DENND5A: variants seen among roughly 807,000 people sequenced by gnomAD.
DENND5A encodes DENN domain containing 5A, also known as DENN domain-containing protein 5A.
Under a neutral mutation model 140.3 loss-of-function variants are expected in DENND5A, and 64 were observed. The ratio of observed to expected loss-of-function variants is 0.46; its 90% CI spans 0.37 to 0.56. The LOEUF (loss-of-function observed/expected upper bound fraction) is 0.56. DENND5A is among the 20% of genes least tolerant of loss of function. The pLI, the probability that DENND5A is intolerant of heterozygous loss-of-function variation, is 0.00. For synonymous variants in DENND5A, 605 were observed against 607.7 expected (o/e 1.00, Z 0.07); for missense variants, 1,292 against 1,593.8 (o/e 0.81, Z 3.22).
At chr11:9,201,976 A>G (rs1255929039) in intron 4 of DENND5A, among the ~76,000 whole-genome samples, 1 of 152,186 alleles carries the variant, frequency 6.6e-6, no homozygotes, top group Non-Finnish European at 1.5e-5. Context: ...CAAAAATGAG[A>G]CAAAATGACA....
intron 2 of DENND5A, 62 bp from the exon 3 acceptor site, chr11:9,206,844 A>C: frequency 1.6e-6 from 2 of 1,239,786 alleles, no homozygotes; most frequent in Admixed American, 3.4e-5. Flanking sequence ...CAGGGTTATA[A>C]ATGTCTGAGC....
At chr11:9,227,399 A>C (rs1373268098) in intron 1 of DENND5A, among the ~76,000 whole-genome samples, 1 of 152,044 alleles carries the variant, frequency 6.6e-6, no homozygotes, top group Non-Finnish European at 1.5e-5. Flanking sequence ...GAAACATACA[A>C]ATTTATAATT....
chr11:9,169,281 T>C (rs777601261), intron 10 of DENND5A, among the ~76,000 whole-genome samples: 2 of 151,994 alleles, frequency 1.3e-5, no homozygotes, highest in Admixed American at 6.6e-5. Context: ...ACCCCGTCTC[T>C]ACTAAAAATA....
chr11:9,249,579 G>A (rs796999525), intron 1 of DENND5A, among the ~76,000 whole-genome samples: 72 of 151,666 alleles, frequency 4.7e-4, no homozygotes, highest in Admixed American at 1.2e-3. Flanking sequence ...ACAGAGTTTC[G>A]CTCTTGTTGC....
intron 1 of DENND5A, among the ~76,000 whole-genome samples, chr11:9,229,098 C>G (rs957384418): frequency 1.3e-5 from 2 of 152,046 alleles, no homozygotes. Context: ...GGAGTGTGCA[C>G]TAAGCCTAGG....
At chr11:9,158,381 CA>C (rs112287336) in intron 12 of DENND5A, among the ~76,000 whole-genome samples, 112 of 139,442 alleles carry the variant, frequency 8.0e-4, no homozygotes, top group Admixed American at 6.5e-4. Flanking sequence ...CTCATCTCTA[CA>C]AAAAAAAAAA....
chr11:9,150,056 TCTA>T (rs1301166812), intron 15 of DENND5A, 22 bp downstream of exon 15: 4 of 1,598,144 alleles, frequency 2.5e-6, no homozygotes, highest in Non-Finnish European at 3.4e-6. Context: ...GGAGCCTGCT[TCTA>T]CTCCTGGCGG....
chr11:9,166,240 G>C (rs558561801), intron 10 of DENND5A, among the ~76,000 whole-genome samples: 1 of 151,644 alleles, frequency 6.6e-6, no homozygotes. Context: ...CACCACGCCC[G>C]GCTAATTTTT....
chr11:9,162,830 G>C (rs1848033978), intron 11 of DENND5A, among the ~76,000 whole-genome samples: 1 of 151,278 alleles, frequency 6.6e-6, no homozygotes, highest in African/African-American at 2.4e-5. Flanking sequence ...CCCCGCAGTA[G>C]CTGGGACTAT....
chr11:9,183,029 C>A (rs1488358886), intron 5 of DENND5A, among the ~76,000 whole-genome samples: 1 of 152,070 alleles, frequency 6.6e-6, no homozygotes, highest in Non-Finnish European at 1.5e-5. Context: ...TATACCATAC[C>A]CTGTAAATAT....
At chr11:9,259,686 G>C (rs1329698533) in intron 1 of DENND5A, among the ~76,000 whole-genome samples, 1 of 152,110 alleles carries the variant, frequency 6.6e-6, no homozygotes, top group Admixed American at 6.6e-5. Context: ...TGGAATTACA[G>C]ATGTGAGCCA....
At chr11:9,224,179 C>CAAGACTCCATCTCAAA in intron 1 of DENND5A, among the ~76,000 whole-genome samples, 1 of 152,134 alleles carries the variant, frequency 6.6e-6, no homozygotes, top group Non-Finnish European at 1.5e-5. Context: ...GGCGACAGAG[C>CAAGACTCCATCTCAAA]AAGACTCCAT....
At chr11:9,188,714 T>C (rs1371563044) in intron 5 of DENND5A, among the ~76,000 whole-genome samples, 1 of 152,158 alleles carries the variant, frequency 6.6e-6, no homozygotes, top group Admixed American at 6.5e-5. Flanking sequence ...TTGTGTGACT[T>C]TGAACTTAAG....
chr11:9,257,718 G>A (rs1057115419), intron 1 of DENND5A, among the ~76,000 whole-genome samples: 3 of 151,350 alleles, frequency 2.0e-5, no homozygotes, highest in Non-Finnish European at 4.4e-5. Context: ...TCCTGACCTT[G>A]TGATCCGCCC....
chr11:9,240,526 G>A (rs1297993438), intron 1 of DENND5A, among the ~76,000 whole-genome samples: 2 of 151,876 alleles, frequency 1.3e-5, no homozygotes, highest in African/African-American at 2.4e-5. Flanking sequence ...CCTGGGCAAC[G>A]TGGTGAAAAC....
At chr11:9,169,495 GCACACA>G (rs59297086) in intron 10 of DENND5A, among the ~76,000 whole-genome samples, 2,226 of 145,788 alleles carry the variant, frequency 0.015, 67 homozygotes, top group African/African-American at 0.053. Context: ...ATATACACAC[GCACACA>G]CACACACACA....
intron 4 of DENND5A, among the ~76,000 whole-genome samples, chr11:9,202,511 AAG>A (rs1386180641): frequency 3.3e-5 from 5 of 152,202 alleles, no homozygotes; most frequent in Non-Finnish European, 7.3e-5. Flanking sequence ...TAGGTTATAC[AAG>A]AGTCCTTTGA....
At chr11:9,192,612 T>C (rs191137955) in intron 5 of DENND5A, among the ~76,000 whole-genome samples, 1 of 145,406 alleles carries the variant, frequency 6.9e-6, no homozygotes, top group Non-Finnish European at 1.5e-5. Context: ...TGGGTGACAG[T>C]GCGAGACTTC....
At chr11:9,228,633 C>G (rs891198460) in intron 1 of DENND5A, among the ~76,000 whole-genome samples, 10 of 151,590 alleles carry the variant, frequency 6.6e-5, no homozygotes, top group African/African-American at 2.4e-4. Flanking sequence ...GCAGAAGAAT[C>G]ACTTGAACCC....
Sources: gnomAD v4.1 joint callset for allele counts (sites outside exome capture counted in the v4.1 genomes callset) on GRCh38, gnomAD v4.1.1 for gene constraint, MANE v1.5 for transcripts, NCBI Gene and HGNC (gene_info 2026-07-23, HGNC 2026-07-21) for gene names.